The following MATK variants were observed in gnomAD, a reference collection of about 807,000 sequenced individuals.
MATK encodes megakaryocyte-associated tyrosine kinase.
Under a neutral mutation model 59.8 loss-of-function variants are expected in MATK, and 41 were observed. That is an observed-to-expected ratio of 0.69 (90% CI 0.53 to 0.89). MATK has a LOEUF of 0.89. MATK is among the 40% of genes least tolerant of loss of function. The probability of loss-of-function intolerance (pLI) is 0.00; values close to 1 mark genes in which losing one functional copy is unlikely to be tolerated. For missense variants in MATK, 593 were observed against 719.6 expected (o/e 0.82, Z 2.01); for synonymous variants, 308 against 306.1 (o/e 1.01, Z -0.06).
chr19:3,782,902 G>A (rs1276848261), intron 7 of MATK: 1 of 550,488 alleles, frequency 1.8e-6, no homozygotes, highest in Non-Finnish European at 3.2e-6. Flanking sequence ...CTCAGATGGT[G>A]GATGATGGTG....
upstream of MATK, chr19:3,786,424 G>A: frequency 1.0e-6 from 1 of 975,352 alleles, no homozygotes. This position sits in a 1 kb window ranked among gnomAD's most constrained non-coding sequence, Gnocchi z 4.1. Flanking sequence ...GCCCCTCCCC[G>A]CCCCGCCTCC....
chr19:3,794,724 G>A (rs2037576390), intron 1 of MATK, among the ~76,000 whole-genome samples: 1 of 152,086 alleles, frequency 6.6e-6, no homozygotes, highest in South Asian at 2.1e-4. Context: ...AACCAGTCAT[G>A]TCTACTCAAG....
rs982781463 is a variant in MATK at position 3,786,378 on chromosome 19, C to G, written c.-361G>C. 7 of 982,354 alleles carry G rather than the reference C, an allele frequency of 7.1e-6. No individual in the cohort carries two copies. Among genetic ancestry groups the G allele is most frequent in the Non-Finnish European group, 8.4e-6 (7 of 828,708 alleles). The allele number at this position is 982,354 out of a possible 1,614,324, so 60.9% of individuals were successfully genotyped here. A position where few individuals can be genotyped will look rare whatever the true frequency, so the allele number is the denominator to read the frequency against. ...CCCCCGCGGGTCCTAGCGCCGGCCG[C>G]ACTGCGGTCTCCTCCGCGCGCCGCC... is the stretch of plus-strand genomic sequence containing the variant. On this transcript the variant is annotated 5_prime_UTR_variant, in exon 1 of 14. Coordinates refer to ENST00000310132, the MANE Select transcript of MATK (RefSeq NM_139355.3). The surrounding 1 kb of genome is among the most constrained non-coding windows in gnomAD (Gnocchi z 4.1).
chr19:3,784,953 C>T, intron 2 of MATK, 69 bp from the exon 3 acceptor site: 5 of 1,430,862 alleles, frequency 3.5e-6, no homozygotes, highest in Non-Finnish European at 4.9e-6. Flanking sequence ...CCACTTCCAG[C>T]CCAGGTCAGG....
chr19:3,785,227 G>T lies in MATK; in HGVS notation c.-92C>A. 6.3e-7 allele frequency: 1 copy of T among 1,589,850 alleles called. No individual in the cohort carries two copies. The highest frequency in any genetic ancestry group is 8.5e-7 in the Non-Finnish European group (1 of 1,170,550). On this transcript the variant is annotated 5_prime_UTR_variant, in exon 2 of 14. Transcript: ENST00000310132. ...GGGAATGGCCTGCCACAGGCCAGTC[G>T]GCTGGCACAGGAGGTAGGGAGCTGG... is the stretch of plus-strand genomic sequence containing the variant.
intron 13 of MATK, 21 bp downstream of exon 13, chr19:3,778,488 C>T (rs2037350953): frequency 6.2e-7 from 1 of 1,613,748 alleles, no homozygotes; most frequent in African/African-American, 1.3e-5. Context: ...AACCCAGTGC[C>T]TCCCTGGGAC....
chr19:3,779,029 G>A lies in MATK; in HGVS notation c.1160C>T (p.Pro387Leu), dbSNP rs761968866. The A allele has an allele frequency of 1.3e-6, 2 of 1,585,120 alleles. No homozygotes were observed. The highest frequency in any genetic ancestry group is 1.7e-6 in the Non-Finnish European group (2 of 1,167,504). Reference protein sequence around the residue: ...ERKGLDSSRLPVKWTAPEALK... With the variant: ...ERKGLDSSRLLVKWTAPEALK... ...AGCCTCGGGCGCCGTCCACTTGACG[G>A]GCAGCCGGCTTGAGTCTAGCCCCTT... The change falls in exon 12 of 14, where the codon CCC (proline) becomes CTC (leucine). Residue 387 changes from proline (P) to leucine (L), a missense_variant. Coordinates refer to ENST00000310132, the MANE Select transcript of MATK (RefSeq NM_139355.3).
chr19:3,801,756 C>T (rs2037645694), exon 1 of MATK: 2 of 152,224 alleles, frequency 1.3e-5, no homozygotes, highest in African/African-American at 4.8e-5. Flanking sequence ...CTCCGCAGCC[C>T]AGACGGTCCA....
At chr19:3,789,476 G>A, upstream of MATK, 1 of 572,268 alleles carries the variant, frequency 1.7e-6, no homozygotes, top group South Asian at 2.2e-5. Flanking sequence ...CCTCACCCCA[G>A]AAGAAATAAT....
chr19:3,792,035 G>A (rs2037547591), intron 1 of MATK, among the ~76,000 whole-genome samples: 1 of 151,926 alleles, frequency 6.6e-6, no homozygotes, highest in South Asian at 2.1e-4. Context: ...TTGAATCCAG[G>A]AGGCTGAGGT....
chr19:3,795,970 C>A (rs1368452676), intron 1 of MATK, among the ~76,000 whole-genome samples: 1 of 151,748 alleles, frequency 6.6e-6, no homozygotes, highest in African/African-American at 2.4e-5. Context: ...CCATGTTGGC[C>A]AGGCTGGTCT....
upstream of MATK, among the ~76,000 whole-genome samples, chr19:3,791,210 G>C (rs1341483081): frequency 2.0e-5 from 3 of 152,074 alleles, no homozygotes; most frequent in Admixed American, 2.0e-4. Context: ...CCTGATCCCA[G>C]CTGGGAAGAG....
At chr19:3,797,238 AC>A (rs146631970) in intron 1 of MATK, among the ~76,000 whole-genome samples, 4 of 84,336 alleles carry the variant, frequency 4.7e-5, no homozygotes, top group African/African-American at 2.6e-4. Context: ...CTTCCCCCCC[AC>A]CCCCCCACTT....
At chr19:3,791,665 T>C (rs941452841) in intron 1 of MATK, among the ~76,000 whole-genome samples, 2 of 151,210 alleles carry the variant, frequency 1.3e-5, no homozygotes, top group African/African-American at 4.9e-5. Context: ...CCTTCTTGAG[T>C]GTTTTTCTAT....
At chr19:3,784,523 G>A in intron 3 of MATK, 72 bp from the exon 4 acceptor site, 1 of 1,067,748 alleles carries the variant, frequency 9.4e-7, no homozygotes, top group East Asian at 2.6e-5. Flanking sequence ...CACGGGAGGG[G>A]AAAGAGGACA....
chr19:3,783,273 A>C (rs1208539272), intron 6 of MATK, 54 bp from the exon 7 acceptor site: 1 of 825,236 alleles, frequency 1.2e-6, no homozygotes, highest in Admixed American at 2.3e-5. Flanking sequence ...GAACCCCAGC[A>C]TCCTGTTCCG....
At chr19:3,784,757 G>T in intron 3 of MATK, 68 bp downstream of exon 3, 1 of 1,136,716 alleles carries the variant, frequency 8.8e-7, no homozygotes, top group Non-Finnish European at 1.3e-6. Context: ...TTCAGGAAGG[G>T]GTCTCAGGGT....
In MATK at chr19:3,779,057, G is replaced by A. The variant is rs767974303; in HGVS notation, c.1132C>T (p.Arg378Trp). ...VSDFGLAKAE[R>W]KGLDSSRLPV... ...AGCCGGCTTGAGTCTAGCCCCTTCC[G>A]CTCGGCTTTGGCCAGGCCAAAGTCG... Residue 378 changes from arginine to tryptophan, a missense_variant, in exon 12 of 14, where the codon CGG becomes TGG. Coordinates refer to ENST00000310132, the MANE Select transcript of MATK (RefSeq NM_139355.3). The A allele has an allele frequency of 3.7e-6, 6 of 1,605,448 alleles. No homozygotes were observed. Among genetic ancestry groups the A allele is most frequent in the South Asian group, 2.2e-5 (2 of 90,912 alleles).
rs553938984 is a variant in MATK at position 3,797,174 on chromosome 19, C to T, written c.-58+4358G>A. Among the ~76,000 whole-genome samples the T allele has an allele frequency of 9.2e-5, 14 of 152,168 alleles. No individual in the cohort carries two copies. The South Asian group carries it at 1.0e-3, about 11-fold the overall frequency. ...GTTTCTCTGGCGTGTTTGTGGAACA[C>T]GTTATTGTCATAGGGTGGACTTCTT... On this transcript the variant is annotated intron_variant, in intron 1 of 13. Coordinates refer to the MATK transcript ENST00000395045.
Sources: allele counts gnomAD v4.1 joint callset (sites outside exome capture counted in the v4.1 genomes callset), GRCh38; gene constraint gnomAD v4.1.1; non-coding constraint Gnocchi (gnomAD v3.1); transcripts MANE v1.5; gene names NCBI Gene and HGNC (gene_info 2026-07-23, HGNC 2026-07-21).